ASPH: variants seen among roughly 807,000 people sequenced by gnomAD.
ASPH encodes aspartate beta-hydroxylase.
A neutral mutation model predicts 118.4 loss-of-function variants in ASPH; 100 were observed. The ratio of observed to expected loss-of-function variants is 0.84; its 90% CI spans 0.72 to 1.00. The LOEUF (loss-of-function observed/expected upper bound fraction) is 1.00, where lower values mean the gene tolerates loss of function less well. Among genes scored for constraint, ASPH ranks in the 50% least tolerant of loss-of-function variants. The probability of loss-of-function intolerance (pLI) is 0.00; values close to 1 mark genes in which losing one functional copy is unlikely to be tolerated. For synonymous variants in ASPH, 315 were observed against 325.6 expected (o/e 0.97, Z 0.35); for missense variants, 920 against 919.5 (o/e 1.00, Z -0.01).
chr8:61,626,332 T>C, intron 13 of ASPH: 2 of 1,430,734 alleles, frequency 1.4e-6, no homozygotes, highest in Non-Finnish European at 1.8e-6. Context: ...ACACAGACTG[T>C]GAAACTGCTT....
At chr8:61,534,414 T>C (rs1818719714) in intron 21 of ASPH, among the ~76,000 whole-genome samples, 1 of 152,210 alleles carries the variant, frequency 6.6e-6, no homozygotes, top group African/African-American at 2.4e-5. Flanking sequence ...TTCAAATTCG[T>C]TTTTAAGAGA....
intron 22 of ASPH, 133 bp from the exon 23 acceptor site, chr8:61,518,256 T>A: frequency 1.5e-6 from 1 of 671,662 alleles, no homozygotes; most frequent in Non-Finnish European, 2.4e-6. Context: ...GAAGATGAAG[T>A]AGGAATGCAA....
intron 1 of ASPH, among the ~76,000 whole-genome samples, chr8:61,691,585 C>T (rs904947533): frequency 3.9e-5 from 6 of 152,182 alleles, no homozygotes; most frequent in African/African-American, 1.4e-4. Context: ...GACAGCAACA[C>T]GATACCCCCA....
At chr8:61,539,699 G>GGGGGTGTGTGTGT (rs1554618405) in intron 21 of ASPH, among the ~76,000 whole-genome samples, 2 of 124,214 alleles carry the variant, frequency 1.6e-5, no homozygotes, top group Non-Finnish European at 3.5e-5. Context: ...ACACTTCTGG[G>GGGGGTGTGTGTGT]GTGTGTGTGT....
chr8:61,663,642 G>C lies in ASPH; in HGVS notation c.323-9982C>G, dbSNP rs141719917. On this transcript the variant is annotated intron_variant, in intron 3 of 24. Coordinates refer to ENST00000379454, the MANE Select transcript of ASPH (RefSeq NM_004318.4). ...TTGGTTTACAATGTTCTTGTAATGTGTAAAAATGGCAAAATCCTGACTAAT... is the reference window on the plus strand; with the variant it reads ...TTGGTTTACAATGTTCTTGTAATGTCTAAAAATGGCAAAATCCTGACTAAT... 5.1e-6 allele frequency: 5 copies of C among 985,258 alleles called. No homozygotes were observed. The East Asian group carries it at 5.7e-4, about 112-fold the overall frequency. The allele number at this position is 985,258 out of a possible 1,614,324, so 61.0% of individuals were successfully genotyped here. A position where few individuals can be genotyped will look rare whatever the true frequency, so the allele number is the denominator to read the frequency against.
At position 61,522,272 on chromosome 8, in the gene ASPH, G is replaced by T. The variant is rs558778766; in HGVS notation, c.1900+3705C>A. 4.6e-5 allele frequency among the ~76,000 whole-genome samples: 7 copies of T among 152,090 alleles called. 1 individual carries two copies. The highest frequency in any genetic ancestry group is 1.7e-4 in the African/African-American group (7 of 41,482). ...AACTACTTGGATACTGTATCAGTTC[G>T]CTAGGGCTGCCACAAGCAAATACCA... On this transcript the variant is annotated intron_variant, in intron 22 of 24. Transcript: ENST00000379454.
chr8:61,628,145 A>G (rs1853788508), intron 13 of ASPH, among the ~76,000 whole-genome samples: 1 of 151,608 alleles, frequency 6.6e-6, no homozygotes, highest in Non-Finnish European at 1.5e-5. Flanking sequence ...ACTTCTTGTC[A>G]TTTTTAGGCA....
intron 14 of ASPH, among the ~76,000 whole-genome samples, chr8:61,617,434 G>T (rs1441710007): frequency 2.0e-5 from 3 of 152,146 alleles, no homozygotes; most frequent in Non-Finnish European, 4.4e-5. Context: ...TTTCTCATTA[G>T]CAGGTATCGC....
intron 14 of ASPH, among the ~76,000 whole-genome samples, chr8:61,617,932 C>CAAAAA (rs10674052): frequency 1.1e-3 from 96 of 87,276 alleles, no homozygotes; most frequent in African/African-American, 3.3e-3. Flanking sequence ...GACGCCATCT[C>CAAAAA]AAAAAAAAAA....
At chr8:61,697,711 AT>A (rs1475123053) in intron 1 of ASPH, among the ~76,000 whole-genome samples, 1 of 152,242 alleles carries the variant, frequency 6.6e-6, no homozygotes, top group Non-Finnish European at 1.5e-5. Context: ...GATGGAAGAG[AT>A]GCATAGGGCA....
At chr8:61,679,585 A>G (rs1382136927) in intron 3 of ASPH, among the ~76,000 whole-genome samples, 1 of 152,038 alleles carries the variant, frequency 6.6e-6, no homozygotes, top group Non-Finnish European at 1.5e-5. Flanking sequence ...AAAAATCAAT[A>G]AAATGCAGTA....
At chr8:61,557,474 C>A (rs1828292099) in intron 18 of ASPH, among the ~76,000 whole-genome samples, 1 of 152,178 alleles carries the variant, frequency 6.6e-6, no homozygotes, top group Non-Finnish European at 1.5e-5. Flanking sequence ...ACAGCAAGCT[C>A]CCTTACCTCC....
chr8:61,527,785 G>T (rs1166913209), intron 21 of ASPH, among the ~76,000 whole-genome samples: 1 of 152,092 alleles, frequency 6.6e-6, no homozygotes, highest in African/African-American at 2.4e-5. Flanking sequence ...TTCAGCCCCA[G>T]ATCACCAGTC....
At chr8:61,551,552 C>T (rs986310555) in intron 20 of ASPH, among the ~76,000 whole-genome samples, 9 of 152,318 alleles carry the variant, frequency 5.9e-5, no homozygotes, top group Middle Eastern at 3.4e-3. Flanking sequence ...CAGTCCCATA[C>T]GTTCAAATCC....
intron 1 of ASPH, among the ~76,000 whole-genome samples, chr8:61,686,784 T>G (rs1172255114): frequency 6.6e-6 from 1 of 152,152 alleles, no homozygotes; most frequent in Non-Finnish European, 1.5e-5. Context: ...ATGCTAAAAC[T>G]TCAGTAAAAC....
intron 22 of ASPH, among the ~76,000 whole-genome samples, chr8:61,522,392 G>A (rs2129621251): frequency 1.3e-5 from 2 of 152,276 alleles, no homozygotes; most frequent in Middle Eastern, 6.8e-3. Flanking sequence ...GGTTTCTCCT[G>A]AGGCCTCTTT....
chr8:61,543,909 C>A (rs959648175), intron 21 of ASPH, among the ~76,000 whole-genome samples: 5 of 152,120 alleles, frequency 3.3e-5, no homozygotes, highest in African/African-American at 1.2e-4. Context: ...AAAAAAAATA[C>A]CTGCCAATAA....
At chr8:61,586,042 T>G (rs888880199) in intron 14 of ASPH, among the ~76,000 whole-genome samples, 2 of 152,240 alleles carry the variant, frequency 1.3e-5, no homozygotes, top group South Asian at 4.1e-4. Flanking sequence ...GTTCTGTTTC[T>G]TCCTATTTTA....
At chr8:61,627,325 T>C (rs953991313) in intron 13 of ASPH, among the ~76,000 whole-genome samples, 13 of 152,148 alleles carry the variant, frequency 8.5e-5, no homozygotes, top group Admixed American at 1.3e-4. Context: ...CAGAAACAAG[T>C]TGCAAAAACA....
Sources: allele counts gnomAD v4.1 joint callset (sites outside exome capture counted in the v4.1 genomes callset), GRCh38; gene constraint gnomAD v4.1.1; transcripts MANE v1.5; gene names NCBI Gene and HGNC (gene_info 2026-07-23, HGNC 2026-07-21).